Variants in LATS2 observed in about 807,000 individuals in gnomAD.
LATS2 encodes large tumor suppressor kinase 2.
In LATS2, 24 loss-of-function variants were observed where a neutral mutation model predicts 76.0. The ratio of observed to expected loss-of-function variants is 0.32; its 90% CI spans 0.23 to 0.44. The LOEUF (loss-of-function observed/expected upper bound fraction) is 0.44, where lower values mean the gene tolerates loss of function less well. Among genes scored for constraint, LATS2 ranks in the 20% least tolerant of loss-of-function variants. The pLI is 1.00. For synonymous variants in LATS2, 692 were observed against 635.4 expected, an observed-to-expected ratio of 1.09 and a Z score of -1.34; for missense variants, 1,286 against 1,481.2, an observed-to-expected ratio of 0.87 and a Z score of 2.16.
intron 2 of LATS2, among the ~76,000 whole-genome samples, chr13:21,002,525 ACC>A (rs1401383685): frequency 6.6e-6 from 1 of 151,676 alleles, no homozygotes; most frequent in African/African-American, 2.4e-5. Context: ...CAGGTGCGTT[ACC>A]ACCACACCCA....
chr13:21,021,128 GTTCA>G (rs1381599813), intron 2 of LATS2, among the ~76,000 whole-genome samples: 1 of 152,118 alleles, frequency 6.6e-6, no homozygotes, highest in Non-Finnish European at 1.5e-5. Flanking sequence ...GTATCTAGGA[GTTCA>G]TTATTTCATT....
chr13:21,046,489 G>A (rs1196032581), intron 1 of LATS2, among the ~76,000 whole-genome samples: 1 of 152,140 alleles, frequency 6.6e-6, no homozygotes, highest in Non-Finnish European at 1.5e-5. Context: ...CTCAGGGCAA[G>A]AACAGTAGTA....
At chr13:20,980,190 G>C (rs1262962068) in intron 6 of LATS2, among the ~76,000 whole-genome samples, 2 of 152,164 alleles carry the variant, frequency 1.3e-5, no homozygotes, top group African/African-American at 4.8e-5. Context: ...GTCAAGGGAG[G>C]CTTCTAAGTC....
chr13:20,998,961 T>G (rs928473856), intron 2 of LATS2, among the ~76,000 whole-genome samples: 1 of 146,946 alleles, frequency 6.8e-6, no homozygotes, highest in African/African-American at 2.6e-5. Context: ...AGGGCCCTGG[T>G]GACCTTTTCC....
At chr13:21,004,507 A>C (rs1246827245) in intron 2 of LATS2, among the ~76,000 whole-genome samples, 3 of 151,644 alleles carry the variant, frequency 2.0e-5, no homozygotes, top group African/African-American at 7.3e-5. Context: ...GTTCAGTCCT[A>C]GTGTTTTGTA....
At chr13:20,982,411 A>G (rs1869932826) in intron 5 of LATS2, among the ~76,000 whole-genome samples, 1 of 152,200 alleles carries the variant, frequency 6.6e-6, no homozygotes, top group Non-Finnish European at 1.5e-5. Context: ...TCCCGGGTTC[A>G]AGCGATTCTC....
intron 5 of LATS2, 37 bp from the exon 6 acceptor site, chr13:20,981,685 C>A: frequency 1.9e-6 from 3 of 1,540,366 alleles, no homozygotes; most frequent in Non-Finnish European, 2.6e-6. Flanking sequence ...AAGAAAAGAA[C>A]AAAATATAAA....
chr13:21,013,588 C>T (rs1016746887), intron 2 of LATS2, among the ~76,000 whole-genome samples: 7 of 152,122 alleles, frequency 4.6e-5, no homozygotes, highest in Non-Finnish European at 1.0e-4. Flanking sequence ...ATCCCTTTCC[C>T]GTTTATGTTG....
chr13:20,998,939 G>A (rs149166120), intron 2 of LATS2, among the ~76,000 whole-genome samples: 9 of 150,614 alleles, frequency 6.0e-5, no homozygotes, highest in African/African-American at 2.0e-4. Context: ...GTGACCTTGC[G>A]CACACGGCGC....
intron 2 of LATS2, among the ~76,000 whole-genome samples, chr13:21,034,559 T>C (rs952238635): frequency 6.6e-6 from 1 of 152,198 alleles, no homozygotes; most frequent in South Asian, 2.1e-4. Flanking sequence ...GGGTGGCAGA[T>C]AGAGAGAGAA....
Position 20,988,548 on chromosome 13 carries a change from C to T in LATS2, c.1232G>A (p.Ser411Asn), listed in dbSNP as rs765364739. The change falls in exon 4 of 8, where the codon AGC becomes AAC. Residue 411 changes from serine to asparagine, a missense_variant. Physicochemically the swap from Ser to Asn is conservative, Grantham distance 46. This residue lies in a region of LATS2 where 710 missense variants were observed against 660.9 expected (regional missense o/e 1.07). Coordinates refer to ENST00000382592, the MANE Select transcript of LATS2 (RefSeq NM_014572.3). ...PVPSRTNSFN[S>N]HQPRPGPPGK... The stretch of plus-strand genomic sequence containing the variant: ...AGGCGGACCGGGCCGCGGCTGGTGG[C>T]TGTTGAAGGAGTTGGTCCTGCTGGG... 15 of 1,581,156 alleles carry T rather than the reference C, an allele frequency of 9.5e-6. No individual in the cohort carries two copies. Among genetic ancestry groups the T allele is most frequent in the Non-Finnish European group, 1.7e-6 (2 of 1,172,344 alleles).
At chr13:21,029,521 G>C (rs1256896917) in intron 2 of LATS2, among the ~76,000 whole-genome samples, 1 of 152,136 alleles carries the variant, frequency 6.6e-6, no homozygotes, top group Non-Finnish European at 1.5e-5. Flanking sequence ...TGTCGGGTGC[G>C]GTGGCTCATG....
chr13:21,050,254 A>G (rs112157642), intron 1 of LATS2, among the ~76,000 whole-genome samples: 3,779 of 152,028 alleles, frequency 0.025, 201 homozygotes, highest in African/African-American at 0.086. Context: ...CTTATTTAAC[A>G]TATATTTTTT....
Position 20,988,166 on chromosome 13 carries a change from T to G in LATS2, c.1614A>C (p.Ala538=). ...CCGCACGGAGGCTCTGCTCCATGCC[T>G]GCGCACAGGCTGTCCAGGTCGTACT... ...SEQYDLDSLC[A]GMEQSLRAGP... The change falls in exon 4 of 8, where the codon GCA becomes GCC. Residue 538 remains alanine (A), a synonymous_variant. Transcript: ENST00000382592. 1 of 1,613,932 alleles carries G rather than the reference T, an allele frequency of 6.2e-7. No homozygotes were observed. Among genetic ancestry groups the G allele is most frequent in the Non-Finnish European group, 8.5e-7 (1 of 1,179,974 alleles).
Position 20,991,240 on chromosome 13 carries a change from C to A in LATS2, c.475+32G>T. ...TTGTTGTCCTTAAGCCACAAACCAT[C>A]TTTGCCCACTATGCTGCAGGCCTGG... On this transcript the variant is annotated intron_variant, in intron 3 of 7. Transcript: ENST00000382592. This position sits in a 1 kb window ranked among gnomAD's most constrained non-coding sequence, Gnocchi z 4.9. 1 of 1,613,550 alleles carries A rather than the reference C, an allele frequency of 6.2e-7. No homozygotes were observed. Among genetic ancestry groups the A allele is most frequent in the Non-Finnish European group, 8.5e-7 (1 of 1,179,656 alleles).
chr13:21,057,682 C>T (rs1276118731), intron 1 of LATS2, among the ~76,000 whole-genome samples: 1 of 151,892 alleles, frequency 6.6e-6, no homozygotes, highest in Non-Finnish European at 1.5e-5. Context: ...CGCCTGTAGT[C>T]CCAGCTACTC....
At chr13:21,030,970 A>C (rs1010739183) in intron 2 of LATS2, among the ~76,000 whole-genome samples, 2 of 151,876 alleles carry the variant, frequency 1.3e-5, no homozygotes, top group Admixed American at 6.6e-5. Flanking sequence ...TCATTTCAGA[A>C]AGACAGTTTG....
intron 7 of LATS2, 136 bp from the exon 8 acceptor site, chr13:20,975,500 T>C (rs752077857): frequency 3.2e-6 from 3 of 929,582 alleles, no homozygotes; most frequent in African/African-American, 3.3e-5. Flanking sequence ...CAAGCAGCAG[T>C]TGTTGATCTC....
Position 20,983,365 on chromosome 13 carries a change from T to G in LATS2, c.2341A>C (p.Ser781Arg). 4 of 1,614,014 alleles carry G rather than the reference T, an allele frequency of 2.5e-6. No homozygotes were observed. Among genetic ancestry groups the G allele is most frequent in the Non-Finnish European group, 3.4e-6 (4 of 1,180,002 alleles). The change falls in exon 5 of 8, where the codon AGT (serine) becomes CGT (arginine). Residue 781 changes from serine to arginine, a missense_variant. By Grantham distance (110) the Ser-to-Arg change is moderately radical. This residue lies in a region of LATS2 where 247 missense variants were observed against 385.4 expected (regional missense o/e 0.64). Coordinates refer to ENST00000382592, the MANE Select transcript of LATS2 (RefSeq NM_014572.3). Reference sequence around the variant, plus strand: ...TGGATGAAGCCCATCTTGTGGACACTCTCAATGGCCAAAGTCAGCTCTGCG... The same window carrying G: ...TGGATGAAGCCCATCTTGTGGACACGCTCAATGGCCAAAGTCAGCTCTGCG... ...YIAELTLAIE[S>R]VHKMGFIHRD...
Sources: gnomAD v4.1 joint callset for allele counts (sites outside exome capture counted in the v4.1 genomes callset) on GRCh38, gnomAD v4.1.1 for gene constraint, gnomAD v4.1.1 regional missense constraint, Gnocchi (gnomAD v3.1) non-coding constraint, MANE v1.5 for transcripts, NCBI Gene and HGNC (gene_info 2026-07-23, HGNC 2026-07-21) for gene names.